Variants in PIK3CA observed in about 807,000 individuals in gnomAD.
PIK3CA encodes the protein phosphatidylinositol-4,5-bisphosphate 3-kinase catalytic subunit alpha, also known as phosphatidylinositol 4,5-bisphosphate 3-kinase catalytic subunit alpha isoform.
PIK3CA carries 27 observed loss-of-function variants against 138.2 expected under a neutral mutation model. The observed-to-expected ratio is 0.20, with a 90% CI of 0.14 to 0.27. PIK3CA has a LOEUF of 0.27. PIK3CA is among the 10% of genes least tolerant of loss of function. The pLI, the probability that PIK3CA is intolerant of heterozygous loss-of-function variation, is 1.00. For synonymous variants in PIK3CA, 358 were observed against 413.2 expected, an observed-to-expected ratio of 0.87 and a Z score of 1.62; for missense variants, 544 against 1,277.4, an observed-to-expected ratio of 0.43 and a Z score of 8.75.
intron 1 of PIK3CA, among the ~76,000 whole-genome samples, chr3:179,191,625 GTGTTTTGTTT>G (rs138129264): frequency 6.6e-6 from 1 of 151,968 alleles, no homozygotes; most frequent in Non-Finnish European, 1.5e-5. Context: ...TAAGTATTTG[GTGTTTTGTTT>G]TGTTTTGTTT....
In PIK3CA at chr3:179,209,646, T is replaced by C; in HGVS notation, c.1197T>C (p.Ala399=). The change falls in exon 7 of 21, where the codon GCT becomes GCC. Residue 399 remains alanine, a synonymous_variant. Coordinates refer to ENST00000263967, the MANE Select transcript of PIK3CA (RefSeq NM_006218.4). Reference sequence around the variant, plus strand: ...TATACATTCCTGATCTTCCTCGTGCTGCTCGACTTTGCCTTTCCATTTGCT... The same window carrying C: ...TATACATTCCTGATCTTCCTCGTGCCGCTCGACTTTGCCTTTCCATTTGCT... ...YDIYIPDLPR[A]ARLCLSICSV... is the part of the protein sequence containing the mutation. The C allele has an allele frequency of 1.2e-6, 2 of 1,612,770 alleles. No individual in the cohort carries two copies. The highest frequency in any genetic ancestry group is 1.7e-6 in the Non-Finnish European group (2 of 1,179,118).
At chr3:179,217,206 G>T (rs3960983) in intron 9 of PIK3CA, among the ~76,000 whole-genome samples, 2 of 152,024 alleles carry the variant, frequency 1.3e-5, no homozygotes, top group African/African-American at 2.4e-5. Context: ...GTGGATAAAG[G>T]TTCCTTCTTG....
At chr3:179,154,141 C>T (rs1723075850) in intron 1 of PIK3CA, among the ~76,000 whole-genome samples, 2 of 151,930 alleles carry the variant, frequency 1.3e-5, no homozygotes, top group Non-Finnish European at 2.9e-5. Context: ...CTATCTTTTT[C>T]TTCAAATAGT....
At position 179,230,980 on chromosome 3, in the gene PIK3CA, C is replaced by T. The variant is rs1240891362; in HGVS notation, c.2936+604C>T. Among the ~76,000 whole-genome samples the T allele has an allele frequency of 2.0e-5, 3 of 152,072 alleles. No homozygotes were observed. The highest frequency in any genetic ancestry group is 3.9e-4 in the East Asian group (2 of 5,190). On this transcript the variant is annotated intron_variant, in intron 20 of 20. Coordinates refer to ENST00000263967, the MANE Select transcript of PIK3CA (RefSeq NM_006218.4). This position sits in a 1 kb window ranked among gnomAD's most constrained non-coding sequence, Gnocchi z 5.4. ...TTTTTATCCCTCACTGTTCTTCCCA[C>T]CGTCTCCCATCTGAGTCTCTGTAGT...
At chr3:179,148,833 C>T (rs942331459) in intron 1 of PIK3CA, among the ~76,000 whole-genome samples, 53 of 152,178 alleles carry the variant, frequency 3.5e-4, no homozygotes, top group Non-Finnish European at 6.8e-4. Flanking sequence ...TCCTTTCTCT[C>T]TGGCTGCCGC....
intron 1 of PIK3CA, among the ~76,000 whole-genome samples, chr3:179,159,395 A>G (rs1454760680): frequency 2.6e-5 from 4 of 152,294 alleles, no homozygotes; most frequent in South Asian, 2.1e-4. Flanking sequence ...AAACCCATGG[A>G]AGAAGTTTTC....
intron 18 of PIK3CA, 38 bp downstream of exon 18, chr3:179,229,480 G>A: frequency 1.3e-6 from 2 of 1,521,338 alleles, no homozygotes; most frequent in Non-Finnish European, 1.8e-6. Flanking sequence ...GTTAATCTAA[G>A]TTTTTGTTAG....
intron 1 of PIK3CA, among the ~76,000 whole-genome samples, chr3:179,187,935 C>A (rs1233599718): frequency 1.3e-5 from 2 of 152,152 alleles, no homozygotes; most frequent in Non-Finnish European, 2.9e-5. Flanking sequence ...CCATGCCCGA[C>A]CCTCATTTAA....
intron 1 of PIK3CA, among the ~76,000 whole-genome samples, chr3:179,150,865 G>A (rs375934813): frequency 1.3e-5 from 2 of 152,346 alleles, no homozygotes; most frequent in Admixed American, 1.3e-4. Flanking sequence ...TGAATAAAGA[G>A]TTTTAAACAG....
intron 1 of PIK3CA, among the ~76,000 whole-genome samples, chr3:179,159,627 T>C (rs1723226115): frequency 1.3e-5 from 2 of 152,220 alleles, no homozygotes; most frequent in African/African-American, 4.8e-5. Context: ...TCATTTATTT[T>C]ACATGAAATC....
chr3:179,191,840 G>A (rs575391733), intron 1 of PIK3CA, among the ~76,000 whole-genome samples: 80 of 152,190 alleles, frequency 5.3e-4, no homozygotes, highest in Non-Finnish European at 8.7e-4. Context: ...GTTTCACCAT[G>A]TTAGCCAGGC....
chr3:179,228,523 A>G (rs1353397337), intron 17 of PIK3CA, among the ~76,000 whole-genome samples: 2 of 152,102 alleles, frequency 1.3e-5, no homozygotes, highest in Non-Finnish European at 2.9e-5. Flanking sequence ...AAAGTCTATT[A>G]TAATACTCCT....
intron 20 of PIK3CA, among the ~76,000 whole-genome samples, chr3:179,231,216 T>G (rs1725203062): frequency 6.6e-6 from 1 of 152,192 alleles, no homozygotes; most frequent in African/African-American, 2.4e-5. Flanking sequence ...AGTGGGTACT[T>G]AACGTTGGTT....
At chr3:179,161,451 C>G (rs1267097739) in intron 1 of PIK3CA, among the ~76,000 whole-genome samples, 1 of 151,790 alleles carries the variant, frequency 6.6e-6, no homozygotes, top group Non-Finnish European at 1.5e-5. Flanking sequence ...AATTCCAGCA[C>G]TTTGGGAGGC....
chr3:179,212,376 C>T (rs369084153), intron 9 of PIK3CA, among the ~76,000 whole-genome samples: 6 of 143,476 alleles, frequency 4.2e-5, no homozygotes, highest in South Asian at 4.7e-4. Context: ...TTTGGGAGGC[C>T]GAGGCGGGTG....
chr3:179,216,950 T>C (rs1409782795), intron 9 of PIK3CA, among the ~76,000 whole-genome samples: 3 of 152,176 alleles, frequency 2.0e-5, no homozygotes, highest in African/African-American at 7.2e-5. Context: ...TAATAATCTT[T>C]ATGAAATACA....
intron 1 of PIK3CA, among the ~76,000 whole-genome samples, chr3:179,180,950 G>T (rs929892223): frequency 2.0e-5 from 3 of 152,078 alleles, no homozygotes; most frequent in Non-Finnish European, 4.4e-5. Flanking sequence ...TGTTCTCTGT[G>T]TATTAATGCA....
chr3:179,177,625 T>G (rs1723731588), intron 1 of PIK3CA, among the ~76,000 whole-genome samples: 1 of 152,166 alleles, frequency 6.6e-6, no homozygotes, highest in East Asian at 1.9e-4. Flanking sequence ...TAGTTTTTCT[T>G]TATCTGAACA....
At chr3:179,225,083 C>T (rs1419380127) in intron 16 of PIK3CA, among the ~76,000 whole-genome samples, 2 of 151,814 alleles carry the variant, frequency 1.3e-5, no homozygotes, top group Admixed American at 6.6e-5. Context: ...TCCAACCCCC[C>T]TCCCGTGGAC....
Sources: allele counts gnomAD v4.1 joint callset (sites outside exome capture counted in the v4.1 genomes callset), GRCh38; gene constraint gnomAD v4.1.1; non-coding constraint Gnocchi (gnomAD v3.1); transcripts MANE v1.5; gene names NCBI Gene and HGNC (gene_info 2026-07-23, HGNC 2026-07-21).